Variants in TMPRSS2 observed in about 807,000 individuals in gnomAD.
TMPRSS2 encodes transmembrane protease serine 2.
Under a neutral mutation model 67.4 loss-of-function variants are expected in TMPRSS2, and 59 were observed. The observed-to-expected ratio is 0.88, with a 90% CI of 0.71 to 1.09. The LOEUF (loss-of-function observed/expected upper bound fraction) is 1.09, where lower values mean the gene tolerates loss of function less well. TMPRSS2 is among the 50% of genes least tolerant of loss of function. TMPRSS2 has a pLI of 0.00. For missense variants in TMPRSS2, 668 were observed against 642.7 expected, an observed-to-expected ratio of 1.04 and a Z score of -0.43; for synonymous variants, 257 against 257.0, an observed-to-expected ratio of 1.00 and a Z score of 0.00.
chr21:41,501,680 G>T (rs918422424), intron 1 of TMPRSS2, among the ~76,000 whole-genome samples: 1 of 151,384 alleles, frequency 6.6e-6, no homozygotes, highest in South Asian at 2.1e-4. Context: ...AACAAGGGGG[G>T]GAATGTCCCG....
chr21:41,466,018 G>A lies in TMPRSS2; in HGVS notation c.*124C>T. The A allele has an allele frequency of 3.2e-6, 4 of 1,248,136 alleles. No homozygotes were observed. Among genetic ancestry groups the A allele is most frequent in the African/African-American group, 1.5e-5 (1 of 65,214 alleles). The allele number at this position is 1,248,136 out of a possible 1,614,324, so 77.3% of individuals were successfully genotyped here. ...GGCAGAGAGTGCCAAAGCCAGACAAGTTCACTGTTTAATAAAAATGAAGTG... is the reference window on the plus strand; with the variant it reads ...GGCAGAGAGTGCCAAAGCCAGACAAATTCACTGTTTAATAAAAATGAAGTG... On this transcript the variant is annotated 3_prime_UTR_variant, in exon 14 of 14. Coordinates refer to ENST00000332149, the MANE Select transcript of TMPRSS2 (RefSeq NM_005656.4).
chr21:41,492,002 C>T (rs867862984), intron 3 of TMPRSS2, among the ~76,000 whole-genome samples: 5 of 152,314 alleles, frequency 3.3e-5, no homozygotes, highest in African/African-American at 1.2e-4. Flanking sequence ...CGAGACCAGC[C>T]TGGCCAGCAT....
intron 1 of TMPRSS2, among the ~76,000 whole-genome samples, chr21:41,500,002 G>A (rs768512166): frequency 1.3e-5 from 2 of 152,198 alleles, no homozygotes; most frequent in African/African-American, 4.8e-5. Context: ...AGTGTCCACT[G>A]TCTGTGACAT....
At position 41,498,193 on chromosome 21, in the gene TMPRSS2, G is replaced by A. The variant is rs768219829; in HGVS notation, c.-56-4C>T. On this transcript the variant is annotated splice_region_variant and splice_polypyrimidine_tract_variant and intron_variant, in intron 1 of 13. Coordinates refer to ENST00000332149, the MANE Select transcript of TMPRSS2 (RefSeq NM_005656.4). ...TATCTGGAATGTTCAATATGACCTA[G>A]AAGAAAGAATTACAGGACTGTAATA... 6.2e-7 allele frequency: 1 copy of A among 1,600,864 alleles called. No homozygotes were observed. The highest frequency in any genetic ancestry group is 8.6e-7 in the Non-Finnish European group (1 of 1,169,008).
intron 8 of TMPRSS2, 136 bp downstream of exon 8, chr21:41,476,441 C>T (rs898433133): frequency 2.2e-5 from 18 of 804,164 alleles, no homozygotes; most frequent in South Asian, 4.7e-5. Flanking sequence ...AAGAGCGAGA[C>T]GCCGCTGGGC....
intron 5 of TMPRSS2, 42 bp downstream of exon 5, chr21:41,488,352 G>A (rs1407699367): frequency 1.9e-6 from 3 of 1,592,426 alleles, no homozygotes; most frequent in African/African-American, 2.7e-5. Context: ...CTGTCTCCAA[G>A]GTGAGCAGAG....
rs564273360 is a variant in TMPRSS2 at position 41,464,375 on chromosome 21, A to T, written c.*1767T>A. Reference sequence around the variant, plus strand: ...ACTAATAGAATAATAAGAAGGAGTCATTTGAGGGACCTCTCCAACAGGACA... The same window carrying T: ...ACTAATAGAATAATAAGAAGGAGTCTTTTGAGGGACCTCTCCAACAGGACA... On this transcript the variant is annotated 3_prime_UTR_variant, in exon 14 of 14. Transcript: ENST00000332149. Among the ~76,000 whole-genome samples, 3 of 152,342 alleles carry T rather than the reference A, an allele frequency of 2.0e-5. No individual in the cohort carries two copies. In the East Asian group the frequency reaches 5.8e-4, roughly 29 times the overall value.
chr21:41,493,091 T>C (rs967102001), intron 3 of TMPRSS2, among the ~76,000 whole-genome samples: 3 of 152,150 alleles, frequency 2.0e-5, no homozygotes, highest in Non-Finnish European at 4.4e-5. Flanking sequence ...CCCTCCCCAC[T>C]TGTAACCACC....
chr21:41,497,812 T>C (rs1279593072), intron 2 of TMPRSS2, among the ~76,000 whole-genome samples: 1 of 152,200 alleles, frequency 6.6e-6, no homozygotes, highest in African/African-American at 2.4e-5. Flanking sequence ...GTTATCGCCA[T>C]CCTGCCTCAT....
In TMPRSS2 at chr21:41,467,813, G is replaced by C. The variant is rs2146419758; in HGVS notation, c.1388C>G (p.Ser463Cys). Reference sequence around the variant, plus strand: ...TGGTCTGTAAGCTTTGGCACAGCCAGAACCCCAGCTTGTATCCCCTATCAG... The same window carrying C: ...TGGTCTGTAAGCTTTGGCACAGCCACAACCCCAGCTTGTATCCCCTATCAG... ...WWLIGDTSWG[S>C]GCAKAYRPGV... is the part of the protein sequence containing the mutation. The change falls in exon 13 of 14, where the codon TCT becomes TGT. Residue 463 changes from serine (S) to cysteine (C), a missense_variant. By Grantham distance (112) the Ser-to-Cys change is moderately radical. Transcript: ENST00000332149. The C allele has an allele frequency of 6.2e-7, 1 of 1,614,252 alleles. No homozygotes were observed. The highest frequency in any genetic ancestry group is 8.5e-7 in the Non-Finnish European group (1 of 1,180,054).
chr21:41,468,473 T>C lies in TMPRSS2; in HGVS notation c.1237A>G (p.Arg413Gly). 1 of 1,614,222 alleles carries C rather than the reference T, an allele frequency of 6.2e-7. No individual in the cohort carries two copies. Among genetic ancestry groups the C allele is most frequent in the South Asian group, 1.1e-5 (1 of 91,088 alleles). Residue 413 changes from arginine (R) to glycine (G), a missense_variant, in exon 12 of 14, where the codon AGA becomes GGA. Transcript: ENST00000332149. ...GTGATCAGGTTGTCATAGACATATC[T>C]GCTGTTGCATCTCTGTGTCTCAATG... ...LLIETQRCNS[R>G]YVYDNLITPA... is the part of the protein sequence containing the mutation.
At chr21:41,468,254 G>T in intron 12 of TMPRSS2, 142 bp downstream of exon 12, 1 of 1,036,664 alleles carries the variant, frequency 9.6e-7, no homozygotes, top group Non-Finnish European at 1.4e-6. Context: ...CGCACTGTTT[G>T]TGGCCGTCAC....
intron 4 of TMPRSS2, among the ~76,000 whole-genome samples, chr21:41,489,077 G>A (rs543734531): frequency 6.6e-6 from 1 of 152,306 alleles, no homozygotes; most frequent in African/African-American, 2.4e-5. Flanking sequence ...GCACTCACAC[G>A]TCCTCTCTGC....
chr21:41,487,231 T>C (rs1338440344), intron 5 of TMPRSS2: 3 of 152,220 alleles, frequency 2.0e-5, no homozygotes, highest in African/African-American at 7.2e-5. Context: ...AATCCTGTCA[T>C]TTCCAACAAC....
intron 8 of TMPRSS2, among the ~76,000 whole-genome samples, chr21:41,474,294 A>G (rs1319495847): frequency 2.2e-4 from 1 of 4,510 alleles, no homozygotes; most frequent in Non-Finnish European, 5.7e-4. Context: ...TGAGGGCATG[A>G]GTGAGGAGGT....
chr21:41,491,933 G>A (rs1358512017), intron 3 of TMPRSS2, among the ~76,000 whole-genome samples: 2 of 152,192 alleles, frequency 1.3e-5, no homozygotes, highest in Admixed American at 6.6e-5. Flanking sequence ...ATGCACTTTG[G>A]GAGTGGATCT....
intron 2 of TMPRSS2, among the ~76,000 whole-genome samples, chr21:41,494,942 G>A (rs150066796): frequency 1.3e-5 from 2 of 151,996 alleles, no homozygotes; most frequent in African/African-American, 2.4e-5. Context: ...GATGGTGGGC[G>A]CCTATAATCC....
Position 41,506,242 on chromosome 21 carries a change from G to A in TMPRSS2, c.-57+1839C>T, listed in dbSNP as rs369757349. On this transcript the variant is annotated intron_variant, in intron 1 of 13. Coordinates refer to ENST00000332149, the MANE Select transcript of TMPRSS2 (RefSeq NM_005656.4). ...GGTTGTCCTTGGCTGGTGGGAATAAGGGAAGCTGCTGGGGACCAAACAAAT... is the reference window on the plus strand; with the variant it reads ...GGTTGTCCTTGGCTGGTGGGAATAAAGGAAGCTGCTGGGGACCAAACAAAT... Among the ~76,000 whole-genome samples the A allele has an allele frequency of 2.0e-5, 3 of 152,214 alleles. No individual in the cohort carries two copies. In the East Asian group the frequency reaches 5.8e-4, roughly 29 times the overall value.
chr21:41,485,081 C>CGT (rs10668560), intron 5 of TMPRSS2, among the ~76,000 whole-genome samples: 37,762 of 140,006 alleles, frequency 0.27, 5,316 homozygotes, highest in Middle Eastern at 0.36. Context: ...GGGAGTGATG[C>CGT]GTGTGTGTGT....
Sources: gnomAD v4.1 joint callset for allele counts (sites outside exome capture counted in the v4.1 genomes callset) on GRCh38, gnomAD v4.1.1 for gene constraint, MANE v1.5 for transcripts, NCBI Gene and HGNC (gene_info 2026-07-23, HGNC 2026-07-21) for gene names.